RAB20: variants seen among roughly 807,000 people sequenced by gnomAD.
RAB20 encodes the protein ras-related protein Rab-20.
A neutral mutation model predicts 3.7 loss-of-function variants in RAB20; 2 were observed. That is an observed-to-expected ratio of 0.54 (90% CI 0.22 to 1.69). RAB20 has a LOEUF of 1.69. Ranked by LOEUF, RAB20 falls within the 40% of genes most tolerant of loss-of-function variation. The pLI, the probability that RAB20 is intolerant of heterozygous loss-of-function variation, is 0.19. For missense variants in RAB20, 276 were observed against 311.9 expected (o/e 0.88, Z 0.87); for synonymous variants, 126 against 130.8 (o/e 0.96, Z 0.25).
At chr13:110,542,631 G>T (rs1473446520) in intron 1 of RAB20, among the ~76,000 whole-genome samples, 1 of 152,094 alleles carries the variant, frequency 6.6e-6, no homozygotes, top group Non-Finnish European at 1.5e-5. Flanking sequence ...TGTCCTCCGG[G>T]TTCACAAACA....
intron 1 of RAB20, among the ~76,000 whole-genome samples, chr13:110,527,357 G>A (rs1030780246): frequency 6.6e-6 from 1 of 152,072 alleles, no homozygotes; most frequent in East Asian, 1.9e-4. Context: ...GGCCCCGAGC[G>A]TGGACTCCAG....
chr13:110,558,663 T>C (rs1221565333), intron 1 of RAB20, among the ~76,000 whole-genome samples: 1 of 149,676 alleles, frequency 6.7e-6, no homozygotes, highest in Non-Finnish European at 1.5e-5. Context: ...ATTACAGGCA[T>C]GAGCCACCGC....
At chr13:110,552,765 T>C (rs964268905) in intron 1 of RAB20, among the ~76,000 whole-genome samples, 2 of 151,886 alleles carry the variant, frequency 1.3e-5, no homozygotes, top group African/African-American at 2.4e-5. Flanking sequence ...AGCTTAAAGA[T>C]AACAAAGCAT....
Position 110,524,155 on chromosome 13 carries a change from C to A in RAB20, c.215G>T (p.Gly72Val). ...ATAGGTGAGGATGATGGCGGCCGCC[C>A]CCCGGCAGTACATGGAGCCCAGGCC... ...FHGLGSMYCR[G>V]AAAIILTYDV... Residue 72 changes from glycine to valine, a missense_variant, in exon 2 of 2, where the codon GGG becomes GTG. Transcript: ENST00000267328. The A allele has an allele frequency of 6.2e-7, 1 of 1,605,672 alleles. No individual in the cohort carries two copies. Among genetic ancestry groups the A allele is most frequent in the Non-Finnish European group, 8.5e-7 (1 of 1,179,480 alleles).
intron 1 of RAB20, among the ~76,000 whole-genome samples, chr13:110,545,254 C>T (rs560929503): frequency 5.8e-4 from 89 of 152,292 alleles, no homozygotes; most frequent in African/African-American, 1.9e-3. Context: ...CCATTTTCCA[C>T]GATGCAATTA....
At chr13:110,527,015 T>C (rs113083503) in intron 1 of RAB20, among the ~76,000 whole-genome samples, 48 of 152,242 alleles carry the variant, frequency 3.2e-4, no homozygotes, top group African/African-American at 9.1e-4. Context: ...CCCCTTGGTC[T>C]GTGGGGCTTT....
Position 110,555,523 on chromosome 13 carries a change from C to A in RAB20, c.172+5825G>T, listed in dbSNP as rs929459601. On this transcript the variant is annotated intron_variant, in intron 1 of 1. Transcript: ENST00000267328. This position sits in a 1 kb window ranked among gnomAD's most constrained non-coding sequence, Gnocchi z 4.0. ...CTCTCTTCCACATCTTTGCCGTCCACCCGTCCTTGGGTTCTGGCACCAAGA... is the reference window on the plus strand; with the variant it reads ...CTCTCTTCCACATCTTTGCCGTCCAACCGTCCTTGGGTTCTGGCACCAAGA... Among the ~76,000 whole-genome samples, 2 of 152,258 alleles carry A rather than the reference C, an allele frequency of 1.3e-5. No individual in the cohort carries two copies. The highest frequency in any genetic ancestry group is 2.4e-5 in the African/African-American group (1 of 41,468).
intron 1 of RAB20, among the ~76,000 whole-genome samples, 160 bp downstream of exon 1, chr13:110,561,167 TGGCTGAGAGGCAGCGCTCAGC>T (rs1180960597): frequency 6.6e-6 from 1 of 152,114 alleles, no homozygotes; most frequent in East Asian, 1.9e-4. Flanking sequence ...GGTCACTGAG[TGGCTGAGAGGCAGCGCTCAGC>T]CCAACCAGCA....
At chr13:110,534,491 G>A (rs751012986) in intron 1 of RAB20, among the ~76,000 whole-genome samples, 11 of 152,334 alleles carry the variant, frequency 7.2e-5, no homozygotes, top group Middle Eastern at 3.4e-3. Context: ...ACCACGCCCC[G>A]ACCCCTGCCT....
At chr13:110,527,846 G>T (rs145126579) in intron 1 of RAB20, among the ~76,000 whole-genome samples, 1 of 151,580 alleles carries the variant, frequency 6.6e-6, no homozygotes, top group Non-Finnish European at 1.5e-5. Flanking sequence ...ATTGCTTGAG[G>T]CCAGGAGTTG....
intron 1 of RAB20, among the ~76,000 whole-genome samples, chr13:110,545,156 G>A (rs1388361142): frequency 2.6e-5 from 4 of 152,010 alleles, no homozygotes; most frequent in East Asian, 1.9e-4. Context: ...GCATGAACAC[G>A]GATTAACACA....
chr13:110,533,584 A>C (rs1246395254), intron 1 of RAB20, among the ~76,000 whole-genome samples: 3 of 152,102 alleles, frequency 2.0e-5, no homozygotes, highest in African/African-American at 7.2e-5. Context: ...TACTCTGAGG[A>C]GGCTGAGGCA....
intron 1 of RAB20, among the ~76,000 whole-genome samples, chr13:110,545,449 G>T (rs1884835610): frequency 6.6e-6 from 1 of 152,214 alleles, no homozygotes; most frequent in South Asian, 2.1e-4. Flanking sequence ...AATGCTCTTT[G>T]TCTGTGGTCG....
At chr13:110,533,014 T>C (rs1884571274) in intron 1 of RAB20, among the ~76,000 whole-genome samples, 1 of 152,120 alleles carries the variant, frequency 6.6e-6, no homozygotes, top group Admixed American at 6.5e-5. Context: ...GTTCTCTGCC[T>C]TGCCAGATCG....
chr13:110,523,576 T>G lies in RAB20; in HGVS notation c.*89A>C, dbSNP rs1181065828. ...GGGTGTCATTCTGGAAAATAATTCC[T>G]TGCTGTTCCTTGCTCCTTTCAGATC... On this transcript the variant is annotated 3_prime_UTR_variant, in exon 2 of 2. Coordinates refer to ENST00000267328, the MANE Select transcript of RAB20 (RefSeq NM_017817.3). 6.6e-7 allele frequency: 1 copy of G among 1,522,872 alleles called. No individual in the cohort carries two copies. The highest frequency in any genetic ancestry group is 8.8e-7 in the Non-Finnish European group (1 of 1,135,938). 94.3% of individuals were successfully genotyped at this position (1,522,872 alleles called of 1,614,324 possible). A position where few individuals can be genotyped will look rare whatever the true frequency, so the allele number is the denominator to read the frequency against.
intron 1 of RAB20, among the ~76,000 whole-genome samples, chr13:110,536,731 G>GC (rs1209004072): frequency 9.3e-6 from 1 of 107,804 alleles, no homozygotes; most frequent in Non-Finnish European, 1.9e-5. Context: ...TGGGGCGGTG[G>GC]GGGGGGGTTG....
Position 110,532,370 on chromosome 13 carries a change from A to G in RAB20, c.173-8173T>C, listed in dbSNP as rs541499105. On this transcript the variant is annotated intron_variant, in intron 1 of 1. Transcript: ENST00000267328. Reference sequence around the variant, plus strand: ...AAACACTGAGACAACAGGAACTTTCATTATTTATTTATTTACTTTTTCTTG... The same window carrying G: ...AAACACTGAGACAACAGGAACTTTCGTTATTTATTTATTTACTTTTTCTTG... 2.6e-5 allele frequency among the ~76,000 whole-genome samples: 4 copies of G among 152,274 alleles called. No individual in the cohort carries two copies. The South Asian group carries it at 8.3e-4, about 32-fold the overall frequency.
Position 110,561,493 on chromosome 13 carries a change from C to T in RAB20, c.27G>A (p.Val9=). 6.3e-7 allele frequency: 1 copy of T among 1,588,666 alleles called. No homozygotes were observed. Residue 9 remains valine (V), a synonymous_variant, in exon 1 of 2, where the codon GTG becomes GTA. Coordinates refer to ENST00000267328, the MANE Select transcript of RAB20 (RefSeq NM_017817.3). ...TCCCCACGTTCATGTCCCCCAGGAG[C>T]ACGATCTTGCTGTCGGGCTTCCTCA... MRKPDSKI[V]LLGDMNVGKT...
In RAB20 at chr13:110,523,419, A is replaced by G; in HGVS notation, c.*246T>C. The G allele has an allele frequency of 1.3e-6, 1 of 752,874 alleles. No individual in the cohort carries two copies. Among genetic ancestry groups the G allele is most frequent in the Non-Finnish European group, 2.1e-6 (1 of 482,968 alleles). 46.6% of individuals were successfully genotyped at this position (752,874 alleles called of 1,614,324 possible). On this transcript the variant is annotated 3_prime_UTR_variant, in exon 2 of 2. Transcript: ENST00000267328. ...GGGGCAGAGAGCACCAGGGGTCTCG[A>G]CTCTGCAGATTGGGCTTTGCAGAGG...
Sources: allele counts gnomAD v4.1 joint callset (sites outside exome capture counted in the v4.1 genomes callset), GRCh38; gene constraint gnomAD v4.1.1; non-coding constraint Gnocchi (gnomAD v3.1); transcripts MANE v1.5; gene names NCBI Gene and HGNC (gene_info 2026-07-23, HGNC 2026-07-21).